Variants in AATK observed in about 807,000 individuals in gnomAD.
The protein encoded by AATK is lemur tail kinase 1.
AATK carries 91 observed loss-of-function variants against 114.3 expected under a neutral mutation model. That is an observed-to-expected ratio of 0.80 (90% CI 0.67 to 0.95). The LOEUF is 0.95. Ranked by LOEUF, AATK falls within the 40% of genes least tolerant of loss-of-function variation. The probability of loss-of-function intolerance (pLI) is 0.00; values close to 1 mark genes in which losing one functional copy is unlikely to be tolerated. For missense variants in AATK, 2,176 were observed against 1,965.2 expected (o/e 1.11, Z -2.03); for synonymous variants, 1,075 against 916.5 (o/e 1.17, Z -3.12).
chr17:81,130,969 G>T, intron 3 of AATK, 92 bp downstream of exon 3: 1 of 1,454,380 alleles, frequency 6.9e-7, no homozygotes, highest in Non-Finnish European at 9.2e-7. Context: ...CCCCACTCCA[G>T]AGCTGAGTCT....
intron 1 of AATK, among the ~76,000 whole-genome samples, chr17:81,153,878 C>A (rs60549025): frequency 6.6e-6 from 1 of 151,936 alleles, no homozygotes; most frequent in East Asian, 1.9e-4. Flanking sequence ...CGAGACCATC[C>A]TGGCCAACAT....
At chr17:81,120,130 G>A (rs1429233983) in intron 11 of AATK, 47 bp from the exon 12 acceptor site, 28 of 1,485,632 alleles carry the variant, frequency 1.9e-5, no homozygotes, top group African/African-American at 2.9e-5. Context: ...CAGGAGCCGC[G>A]GCCGCTCCCA....
chr17:81,160,292 C>A, intron 1 of AATK: 1 of 983,714 alleles, frequency 1.0e-6, no homozygotes, highest in South Asian at 4.7e-5. Flanking sequence ...CCCAGAGTGA[C>A]CCCCGGGAGG....
chr17:81,125,138 C>T (rs1000209137), intron 7 of AATK, 124 bp from the exon 8 acceptor site: 1 of 832,214 alleles, frequency 1.2e-6, no homozygotes, highest in South Asian at 1.7e-5. Flanking sequence ...CCTTTGCCAA[C>T]ACTTGGATGG....
Position 81,126,058 on chromosome 17 carries a change from C to A in AATK, c.755+369G>T. 4.1e-6 allele frequency: 2 copies of A among 483,606 alleles called. No individual in the cohort carries two copies. The highest frequency in any genetic ancestry group is 5.2e-4 in the Middle Eastern group (1 of 1,910). 30.0% of individuals were successfully genotyped at this position (483,606 alleles called of 1,614,324 possible). A position where few individuals can be genotyped will look rare whatever the true frequency, so the allele number is the denominator to read the frequency against. On this transcript the variant is annotated intron_variant, in intron 7 of 13. Transcript: ENST00000326724. This position sits in a 1 kb window ranked among gnomAD's most constrained non-coding sequence, Gnocchi z 5.1. Reference sequence around the variant, plus strand: ...GCTGGGCATCCTGGCCCAAGCAGGACAGAACCCTCCCTCCAGGGTCCTTCG... The same window carrying A: ...GCTGGGCATCCTGGCCCAAGCAGGAAAGAACCCTCCCTCCAGGGTCCTTCG...
chr17:81,131,895 A>G, intron 2 of AATK: 2 of 1,332,026 alleles, frequency 1.5e-6, no homozygotes, highest in Non-Finnish European at 1.0e-6. Flanking sequence ...TACCCTGGGC[A>G]GCCCACCTGC....
chr17:81,126,761 T>G lies in AATK; in HGVS notation c.622-201A>C, dbSNP rs1160395785. 10 of 1,400,482 alleles carry G rather than the reference T, an allele frequency of 7.1e-6. No individual in the cohort carries two copies. Among genetic ancestry groups the G allele is most frequent in the Non-Finnish European group, 9.3e-6 (10 of 1,078,820 alleles). 86.8% of individuals were successfully genotyped at this position (1,400,482 alleles called of 1,614,324 possible). On this transcript the variant is annotated intron_variant, in intron 6 of 13. Coordinates refer to ENST00000326724, the MANE Select transcript of AATK (RefSeq NM_001080395.3). This position sits in a 1 kb window ranked among gnomAD's most constrained non-coding sequence, Gnocchi z 5.1. ...CGTGTCCCCCAGGGCTGGGCTGGAC[T>G]GAAGGCTTCCTCTCCACTGCCCCTC...
At position 81,124,957 on chromosome 17, in the gene AATK, G is replaced by T. The variant is rs778655113; in HGVS notation, c.813C>A (p.Asp271Glu). ...TGTACTTGCAGTGAGCCAGGCCATAGTCACCAATCTTCACCGTCAGGTCAG... is the reference window on the plus strand; with the variant it reads ...TGTACTTGCAGTGAGCCAGGCCATATTCACCAATCTTCACCGTCAGGTCAG... ...LTADLTVKIG[D>E]YGLAHCKYRE... Residue 271 changes from aspartate (D) to glutamate (E), a missense_variant, in exon 8 of 14, where the codon GAC becomes GAA. This residue lies in a region of AATK where 273 missense variants were observed against 344.1 expected (regional missense o/e 0.79). Coordinates refer to ENST00000326724, the MANE Select transcript of AATK (RefSeq NM_001080395.3). 1 of 1,579,424 alleles carries T rather than the reference G, an allele frequency of 6.3e-7. No homozygotes were observed. The highest frequency in any genetic ancestry group is 1.2e-5 in the South Asian group (1 of 85,620).
chr17:81,131,208 GCGGGC>G lies in AATK; in HGVS notation c.190-8_190-4del, dbSNP rs760872949. 3.8e-6 allele frequency: 6 copies of G among 1,571,242 alleles called. No homozygotes were observed. The highest frequency in any genetic ancestry group is 3.6e-5 in the Admixed American group (2 of 55,960). Reference sequence around the variant, plus strand: ...TCCCCCTCCGCATTCTCAAACTCCTGCGGGCCGGGCCGGGCATGAGCGGGGCTTCT... The same window carrying G: ...TCCCCCTCCGCATTCTCAAACTCCTGCGGGCCGGGCATGAGCGGGGCTTCT... On this transcript the variant is annotated splice_polypyrimidine_tract_variant and splice_region_variant and intron_variant, in intron 2 of 13. Coordinates refer to ENST00000326724, the MANE Select transcript of AATK (RefSeq NM_001080395.3).
In AATK at chr17:81,131,822, C is replaced by G. The variant is rs986587257; in HGVS notation, c.190-617G>C. ...TGTGGGAGAAGCAATTAAGTGCCCCCACCCCTGCCGGGACAAGGAGCATTC... is the reference window on the plus strand; with the variant it reads ...TGTGGGAGAAGCAATTAAGTGCCCCGACCCCTGCCGGGACAAGGAGCATTC... On this transcript the variant is annotated intron_variant, in intron 2 of 13. Coordinates refer to ENST00000326724, the MANE Select transcript of AATK (RefSeq NM_001080395.3). 2.2e-5 allele frequency: 29 copies of G among 1,290,450 alleles called. No homozygotes were observed. The African/African-American group carries it at 4.3e-4, about 19-fold the overall frequency. 79.9% of individuals were successfully genotyped at this position (1,290,450 alleles called of 1,614,324 possible). A position where few individuals can be genotyped will look rare whatever the true frequency, so the allele number is the denominator to read the frequency against.
chr17:81,148,576 G>C (rs911582352), intron 1 of AATK, among the ~76,000 whole-genome samples: 1 of 152,242 alleles, frequency 6.6e-6, no homozygotes, highest in African/African-American at 2.4e-5. Flanking sequence ...GAGGTACCTG[G>C]GGATGAGCCC....
At chr17:81,134,550 G>A (rs776687452) in intron 1 of AATK, 49 bp from the exon 2 acceptor site, 19 of 1,582,698 alleles carry the variant, frequency 1.2e-5, no homozygotes, top group Middle Eastern at 1.9e-4. Context: ...GGGCCGGCCA[G>A]GCCCCTGCCC....
In AATK at chr17:81,124,715, G is replaced by A. The variant is rs996870904; in HGVS notation, c.962+12C>T. ...CCTCGGCCCCTCACGGTGCCACCAGGGCCGCACTCACCACACATTCCCGCT... is the reference window on the plus strand; with the variant it reads ...CCTCGGCCCCTCACGGTGCCACCAGAGCCGCACTCACCACACATTCCCGCT... On this transcript the variant is annotated intron_variant, in intron 9 of 13. Coordinates refer to ENST00000326724, the MANE Select transcript of AATK (RefSeq NM_001080395.3). 6 of 1,612,136 alleles carry A rather than the reference G, an allele frequency of 3.7e-6. No individual in the cohort carries two copies. The highest frequency in any genetic ancestry group is 1.3e-5 in the African/African-American group (1 of 74,938).
chr17:81,125,776 G>A (rs540568680), intron 7 of AATK: 75 of 383,246 alleles, frequency 2.0e-4, no homozygotes, highest in Non-Finnish European at 3.6e-4. Context: ...CCAGGGGATC[G>A]CTACAGGGCC....
chr17:81,165,700 C>A (rs2061479968), intron 1 of AATK: 1 of 1,517,828 alleles, frequency 6.6e-7, no homozygotes, highest in East Asian at 2.5e-5. Context: ...TGGAGGCAGC[C>A]ACGGAGTCAC....
In AATK at chr17:81,126,321, G is replaced by GGCC. The variant is rs2060823399; in HGVS notation, c.755+103_755+105dup. On this transcript the variant is annotated intron_variant, in intron 7 of 13. Transcript: ENST00000326724. This position sits in a 1 kb window ranked among gnomAD's most constrained non-coding sequence, Gnocchi z 5.1. ...GTCTGATGCTGCATGAGATGAACCTGGCCGGTCCTCGCAAGCCCCCTGAGG... is the reference window on the plus strand; with the variant it reads ...GTCTGATGCTGCATGAGATGAACCTGGCCGCCGGTCCTCGCAAGCCCCCTGAGG... The GGCC allele has an allele frequency of 7.3e-7, 1 of 1,368,468 alleles. No homozygotes were observed. Among genetic ancestry groups the GGCC allele is most frequent in the East Asian group, 2.5e-5 (1 of 39,414 alleles). The allele number at this position is 1,368,468 out of a possible 1,614,324, so 84.8% of individuals were successfully genotyped here.
At chr17:81,142,869 G>A (rs1395487143) in intron 1 of AATK, among the ~76,000 whole-genome samples, 4 of 151,860 alleles carry the variant, frequency 2.6e-5, no homozygotes, top group African/African-American at 4.8e-5. Context: ...ACGCATCATC[G>A]GCGTGACCCT....
chr17:81,143,103 C>T (rs1305137667), intron 1 of AATK, among the ~76,000 whole-genome samples: 2 of 152,208 alleles, frequency 1.3e-5, no homozygotes, highest in African/African-American at 2.4e-5. Flanking sequence ...GGCACACGGC[C>T]TTCCCTCGAA....
At position 81,122,790 on chromosome 17, in the gene AATK, G is replaced by A. The variant is rs551487787; in HGVS notation, c.1146C>T (p.Pro382=). The A allele has an allele frequency of 4.0e-5, 64 of 1,583,904 alleles. No homozygotes were observed. Among genetic ancestry groups the A allele is most frequent in the South Asian group, 5.7e-5 (5 of 87,054 alleles). The change falls in exon 11 of 14, where the codon CCC becomes CCT. Residue 382 remains proline (P), a synonymous_variant. Transcript: ENST00000326724. ...CCTCCTCGGCTGTGGGCCGCTGCTC[G>A]GGCTGCAGCCAGCAGAACTGCATCA... ...YEVMQFCWLQ[P]EQRPTAEEVH... is the part of the protein sequence containing the mutation.
Sources: gnomAD v4.1 joint callset for allele counts (sites outside exome capture counted in the v4.1 genomes callset) on GRCh38, gnomAD v4.1.1 for gene constraint, gnomAD v4.1.1 regional missense constraint, Gnocchi (gnomAD v3.1) non-coding constraint, MANE v1.5 for transcripts, NCBI Gene and HGNC (gene_info 2026-07-23, HGNC 2026-07-21) for gene names.